The following ZBTB7C variants were observed in gnomAD, a reference collection of about 807,000 sequenced individuals.
ZBTB7C encodes the protein zinc finger and BTB domain-containing protein 7C.
A neutral mutation model predicts 25.7 loss-of-function variants in ZBTB7C; 8 were observed. That is an observed-to-expected ratio of 0.31 (90% CI 0.18 to 0.56). ZBTB7C has a LOEUF of 0.56. ZBTB7C is among the 20% of genes least tolerant of loss of function. The probability of loss-of-function intolerance (pLI) is 0.91; values close to 1 mark genes in which losing one functional copy is unlikely to be tolerated. For missense variants in ZBTB7C, 824 were observed against 855.2 expected, an observed-to-expected ratio of 0.96 and a Z score of 0.46; for synonymous variants, 394 against 369.0, an observed-to-expected ratio of 1.07 and a Z score of -0.78.
At position 48,029,339 on chromosome 18, in the gene ZBTB7C, G is replaced by C; in HGVS notation, c.1781C>G (p.Pro594Arg). Residue 594 changes from proline to arginine, a missense_variant, in exon 5 of 5, where the codon CCT becomes CGT. This residue lies in a region of ZBTB7C where 342 missense variants were observed against 307.0 expected (regional missense o/e 1.11). Transcript: ENST00000590800. ...GAGGCCGGCCAGGCCGGCGGCCCAA[G>C]GGTCGGGCAGCGGGAAGTAGGGCCG... ...AARPYFPLPD[P>R]WAAGLAGLPG... 2 of 1,543,030 alleles carry C rather than the reference G, an allele frequency of 1.3e-6. No homozygotes were observed. The highest frequency in any genetic ancestry group is 1.7e-6 in the Non-Finnish European group (2 of 1,149,504).
intron 2 of ZBTB7C, among the ~76,000 whole-genome samples, chr18:48,202,617 C>T (rs1280162073): frequency 2.0e-5 from 3 of 152,192 alleles, no homozygotes; most frequent in African/African-American, 7.2e-5. Flanking sequence ...CCACTGTGCT[C>T]TGCTCAGATC....
chr18:48,133,679 A>G (rs2040056921), intron 3 of ZBTB7C, among the ~76,000 whole-genome samples: 1 of 151,890 alleles, frequency 6.6e-6, no homozygotes, highest in Non-Finnish European at 1.5e-5. Flanking sequence ...ACACACACAC[A>G]AGATGGAAAA....
intron 3 of ZBTB7C, among the ~76,000 whole-genome samples, chr18:48,129,487 C>T (rs1157591805): frequency 6.6e-6 from 1 of 152,126 alleles, no homozygotes; most frequent in African/African-American, 2.4e-5. Context: ...TTGCAACTTC[C>T]ACCCTTCTAG....
chr18:48,097,266 GAAA>G (rs1326585461), intron 3 of ZBTB7C, among the ~76,000 whole-genome samples: 3 of 152,166 alleles, frequency 2.0e-5, no homozygotes, highest in Non-Finnish European at 2.9e-5. Flanking sequence ...CCTGTGCAAG[GAAA>G]ATCAAAGAGA....
intron 3 of ZBTB7C, among the ~76,000 whole-genome samples, chr18:48,155,614 C>T (rs376471238): frequency 5.9e-5 from 9 of 151,954 alleles, no homozygotes; most frequent in Admixed American, 1.3e-4. Flanking sequence ...GGATTACAGG[C>T]GTGAGCCACC....
intron 2 of ZBTB7C, among the ~76,000 whole-genome samples, chr18:48,311,642 G>A (rs1272807961): frequency 1.3e-5 from 2 of 152,070 alleles, no homozygotes; most frequent in Non-Finnish European, 2.9e-5. Context: ...CTATTCAGTG[G>A]CTGGGATGGG....
intron 2 of ZBTB7C, among the ~76,000 whole-genome samples, chr18:48,242,979 T>G (rs1191420606): frequency 6.6e-6 from 1 of 152,008 alleles, no homozygotes; most frequent in Admixed American, 6.6e-5. Context: ...AGCTCCTAGA[T>G]CTGGCTGGGT....
At chr18:48,330,833 T>C (rs1598886833) in intron 2 of ZBTB7C, among the ~76,000 whole-genome samples, 2 of 151,940 alleles carry the variant, frequency 1.3e-5, no homozygotes, top group East Asian at 1.9e-4. Context: ...TCCGGACAGG[T>C]AGGACTTGGG....
rs142953740 is a variant in ZBTB7C, at chr18:48,323,548, T to C, written c.-79+14626A>G. Among the ~76,000 whole-genome samples the C allele has an allele frequency of 1.6e-3, 237 of 152,322 alleles. 2 individuals carry two copies. Among genetic ancestry groups the C allele is most frequent in the African/African-American group, 5.4e-3 (225 of 41,570 alleles). ...CCTCCCTTAAAGCTGAGGGTGGGCC[T>C]GAGATGACCACCAAAGTCCTTTGCA... On this transcript the variant is annotated intron_variant, in intron 2 of 4. Transcript: ENST00000590800.
intron 3 of ZBTB7C, among the ~76,000 whole-genome samples, chr18:48,095,020 G>C (rs1005618280): frequency 2.0e-5 from 3 of 151,962 alleles, no homozygotes; most frequent in African/African-American, 4.8e-5. Context: ...GGCATTTCTG[G>C]GTTATTCTTC....
intron 1 of ZBTB7C, among the ~76,000 whole-genome samples, chr18:48,378,468 A>G (rs892587830): frequency 2.0e-5 from 3 of 152,226 alleles, no homozygotes; most frequent in African/African-American, 7.2e-5. Context: ...CCAGCTAAGA[A>G]GAAAGACTTT....
chr18:48,116,097 AAAAG>A (rs1289478499), intron 3 of ZBTB7C, among the ~76,000 whole-genome samples: 2 of 152,060 alleles, frequency 1.3e-5, no homozygotes, highest in African/African-American at 4.8e-5. Flanking sequence ...AAATATAAGA[AAAAG>A]AAAGTTAATC....
chr18:48,159,512 G>T (rs908843537), intron 3 of ZBTB7C, among the ~76,000 whole-genome samples: 1 of 152,160 alleles, frequency 6.6e-6, no homozygotes, highest in Non-Finnish European at 1.5e-5. Context: ...TTCCTTTCTT[G>T]CTACTACAAA....
intron 2 of ZBTB7C, among the ~76,000 whole-genome samples, chr18:48,228,460 G>A (rs1042472635): frequency 2.6e-5 from 4 of 152,046 alleles, no homozygotes; most frequent in East Asian, 1.9e-4. Flanking sequence ...GCCTTGCTGC[G>A]GATGGGTGGG....
intron 3 of ZBTB7C, among the ~76,000 whole-genome samples, chr18:48,177,520 C>A (rs559312347): frequency 3.9e-5 from 6 of 152,234 alleles, no homozygotes; most frequent in African/African-American, 1.4e-4. Flanking sequence ...GTGTTCCTGG[C>A]AAAAGGAACT....
At chr18:48,071,603 A>G (rs983588092) in intron 3 of ZBTB7C, among the ~76,000 whole-genome samples, 9 of 152,228 alleles carry the variant, frequency 5.9e-5, no homozygotes, top group South Asian at 4.1e-4. Context: ...AAAATTAGAC[A>G]TGGAATTACC....
At chr18:48,114,962 A>G (rs1025206891) in intron 3 of ZBTB7C, among the ~76,000 whole-genome samples, 7 of 152,252 alleles carry the variant, frequency 4.6e-5, no homozygotes, top group African/African-American at 7.2e-5. Context: ...ATTTAAATAT[A>G]TAATTCTGTG....
chr18:48,133,115 G>A (rs2040037287), intron 3 of ZBTB7C, among the ~76,000 whole-genome samples: 1 of 152,232 alleles, frequency 6.6e-6, no homozygotes, highest in Admixed American at 6.5e-5. Context: ...GGGGTTCCTG[G>A]CCTAGGAGGG....
intron 3 of ZBTB7C, among the ~76,000 whole-genome samples, chr18:48,102,011 A>T (rs9955024): frequency 0.72 from 109,889 of 152,088 alleles, 40,239 homozygotes; most frequent in East Asian, 0.84. Flanking sequence ...GAAAAAAAGA[A>T]CAAGAGGTTA....
Sources: allele counts gnomAD v4.1 joint callset (sites outside exome capture counted in the v4.1 genomes callset), GRCh38; gene constraint gnomAD v4.1.1; regional missense constraint gnomAD v4.1.1; transcripts MANE v1.5; gene names NCBI Gene and HGNC (gene_info 2026-07-23, HGNC 2026-07-21).